Variants in PEAK1 observed in about 807,000 individuals in gnomAD.
The protein encoded by PEAK1 is pseudopodium enriched atypical kinase 1, also known as inactive tyrosine-protein kinase PEAK1.
A neutral mutation model predicts 124.7 loss-of-function variants in PEAK1; 54 were observed. The ratio of observed to expected loss-of-function variants is 0.43; its 90% CI spans 0.35 to 0.54. The LOEUF is 0.54. Ranked by LOEUF, PEAK1 falls within the 20% of genes least tolerant of loss-of-function variation. PEAK1 has a pLI of 0.01. For synonymous variants in PEAK1, 719 were observed against 760.0 expected (o/e 0.95, Z 0.89); for missense variants, 2,046 against 2,134.5 (o/e 0.96, Z 0.82).
At chr15:77,400,671 T>C (rs1430077916) in intron 1 of PEAK1, among the ~76,000 whole-genome samples, 1 of 152,122 alleles carries the variant, frequency 6.6e-6, no homozygotes, top group Non-Finnish European at 1.5e-5. Flanking sequence ...TTGAGGAACA[T>C]CTATATTTAA....
chr15:77,328,532 G>C (rs2065711025), intron 2 of PEAK1, among the ~76,000 whole-genome samples: 1 of 152,114 alleles, frequency 6.6e-6, no homozygotes, highest in African/African-American at 2.4e-5. Flanking sequence ...ATAGAAAGAA[G>C]TAATACTTAT....
At chr15:77,320,453 G>A (rs965817126) in intron 2 of PEAK1, among the ~76,000 whole-genome samples, 2 of 152,028 alleles carry the variant, frequency 1.3e-5, no homozygotes, top group Non-Finnish European at 2.9e-5. Flanking sequence ...AACTCTCTAA[G>A]GAGAAAAAAT....
chr15:77,346,197 T>C, intron 2 of PEAK1: 1 of 960,408 alleles, frequency 1.0e-6, no homozygotes, highest in Non-Finnish European at 1.2e-6. Context: ...TTTGGCATAA[T>C]AAAGTCATTT....
At chr15:77,321,976 C>T (rs902520007) in intron 2 of PEAK1, among the ~76,000 whole-genome samples, 1 of 152,172 alleles carries the variant, frequency 6.6e-6, no homozygotes, top group East Asian at 1.9e-4. Context: ...TTAAGAAACT[C>T]ACTCAAAACC....
At chr15:77,369,813 G>A (rs1369093805) in intron 1 of PEAK1, among the ~76,000 whole-genome samples, 9 of 152,058 alleles carry the variant, frequency 5.9e-5, no homozygotes, top group Admixed American at 2.6e-4. Context: ...TTGCAAAGGC[G>A]CTGACTATGG....
chr15:77,234,453 T>A (rs2060030319), intron 6 of PEAK1, among the ~76,000 whole-genome samples: 1 of 152,148 alleles, frequency 6.6e-6, no homozygotes, highest in African/African-American at 2.4e-5. Context: ...AAGCAAATAA[T>A]TTAATTTTTA....
chr15:77,165,031 G>A (rs2055977788), intron 7 of PEAK1, among the ~76,000 whole-genome samples: 1 of 151,922 alleles, frequency 6.6e-6, no homozygotes, highest in Admixed American at 6.6e-5. Context: ...AGTCTCCCGA[G>A]TAGCTGGGAT....
intron 5 of PEAK1, among the ~76,000 whole-genome samples, chr15:77,267,844 T>C (rs1362815412): frequency 2.5e-4 from 38 of 151,858 alleles, no homozygotes; most frequent in Admixed American, 2.5e-3. Flanking sequence ...TCACCAGCAA[T>C]GGATCCGAAC....
At chr15:77,386,922 A>T (rs971999562) in intron 1 of PEAK1, among the ~76,000 whole-genome samples, 1 of 152,224 alleles carries the variant, frequency 6.6e-6, no homozygotes, top group African/African-American at 2.4e-5. Context: ...GGATCCTCTC[A>T]CCAAAGATCT....
intron 2 of PEAK1, among the ~76,000 whole-genome samples, chr15:77,354,356 C>T (rs1479604218): frequency 6.6e-6 from 1 of 152,224 alleles, no homozygotes; most frequent in East Asian, 1.9e-4. Context: ...TGAATTCCAC[C>T]TGCTAAAGCT....
chr15:77,332,988 T>C lies in PEAK1; in HGVS notation c.-603+32175A>G, dbSNP rs543293515. 139 of 853,834 alleles carry C rather than the reference T, an allele frequency of 1.6e-4. 1 individual carries two copies. The South Asian group carries it at 5.9e-3, about 36-fold the overall frequency. 52.9% of individuals were successfully genotyped at this position (853,834 alleles called of 1,614,324 possible). On this transcript the variant is annotated intron_variant, in intron 2 of 9. Transcript: ENST00000682557. Reference sequence around the variant, plus strand: ...TATTCATGACTGCTCCTTTTCCTATTCAGGCATTCATTTCTTATTGACTTA... The same window carrying C: ...TATTCATGACTGCTCCTTTTCCTATCCAGGCATTCATTTCTTATTGACTTA...
At chr15:77,243,218 T>C (rs2060435086) in intron 6 of PEAK1, among the ~76,000 whole-genome samples, 1 of 152,212 alleles carries the variant, frequency 6.6e-6, no homozygotes, top group South Asian at 2.1e-4. Flanking sequence ...GCAAATATAC[T>C]AAAGCAGGAG....
intron 1 of PEAK1, among the ~76,000 whole-genome samples, chr15:77,392,573 A>C (rs1277556887): frequency 6.6e-6 from 1 of 152,134 alleles, no homozygotes; most frequent in Non-Finnish European, 1.5e-5. Flanking sequence ...CTATTCCTAC[A>C]TCTTCATGTC....
intron 5 of PEAK1, among the ~76,000 whole-genome samples, chr15:77,274,516 A>G (rs972021489): frequency 1.3e-5 from 2 of 152,170 alleles, no homozygotes; most frequent in Non-Finnish European, 2.9e-5. Context: ...ACAGTGCTCA[A>G]CATCACTAAT....
intron 5 of PEAK1, among the ~76,000 whole-genome samples, chr15:77,283,125 T>C (rs1322008485): frequency 2.6e-5 from 4 of 152,176 alleles, no homozygotes; most frequent in South Asian, 4.1e-4. Flanking sequence ...GAGAATCTTA[T>C]AATGGACTCT....
intron 1 of PEAK1, among the ~76,000 whole-genome samples, chr15:77,407,460 T>C (rs1288514988): frequency 6.6e-6 from 1 of 151,840 alleles, no homozygotes; most frequent in Non-Finnish European, 1.5e-5. Flanking sequence ...GCTAAGGACA[T>C]GAAAAGACAA....
At chr15:77,241,557 C>T (rs1341039605) in intron 6 of PEAK1, among the ~76,000 whole-genome samples, 1 of 151,984 alleles carries the variant, frequency 6.6e-6, no homozygotes, top group Non-Finnish European at 1.5e-5. Flanking sequence ...TATGACATGA[C>T]TATGTATGTG....
In PEAK1 at chr15:77,294,233, A is replaced by C. The variant is rs11072649; in HGVS notation, c.-602-7729T>G. The stretch of plus-strand genomic sequence containing the variant: ...AACCAATCCAGTACCTAGAACACAC[A>C]GGTACTTTGTGTCTACTGAATGTAT... On this transcript the variant is annotated intron_variant, in intron 2 of 9. Transcript: ENST00000682557. Among the ~76,000 whole-genome samples the C allele has an allele frequency of 0.041, 6,302 of 152,276 alleles. 901 individuals are homozygous for C. In the East Asian group the frequency reaches 0.47, roughly 11 times the overall value.
chr15:77,327,333 AGGGTAT>A (rs1364725808), intron 2 of PEAK1, among the ~76,000 whole-genome samples: 1 of 151,770 alleles, frequency 6.6e-6, no homozygotes, highest in Non-Finnish European at 1.5e-5. Flanking sequence ...TGTTGGGGCA[AGGGTAT>A]GTTTAAACTG....
Sources: allele counts gnomAD v4.1 joint callset (sites outside exome capture counted in the v4.1 genomes callset), GRCh38; gene constraint gnomAD v4.1.1; transcripts MANE v1.5; gene names NCBI Gene and HGNC (gene_info 2026-07-23, HGNC 2026-07-21).